TLE4: variants seen among roughly 807,000 people sequenced by gnomAD.
TLE4 encodes TLE family member 4, transcriptional corepressor.
TLE4 carries 8 observed loss-of-function variants against 92.8 expected under a neutral mutation model. The ratio of observed to expected loss-of-function variants is 0.09; its 90% CI spans 0.05 to 0.16. TLE4 has a LOEUF of 0.16. Among genes scored for constraint, TLE4 ranks in the 10% least tolerant of loss-of-function variants. The probability of loss-of-function intolerance (pLI) is 1.00; values close to 1 mark genes in which losing one functional copy is unlikely to be tolerated. For missense variants in TLE4, 675 were observed against 997.6 expected, an observed-to-expected ratio of 0.68 and a Z score of 4.36; for synonymous variants, 371 against 374.1, an observed-to-expected ratio of 0.99 and a Z score of 0.10.
intron 8 of TLE4, among the ~76,000 whole-genome samples, chr9:79,686,362 G>A (rs1193240977): frequency 6.6e-6 from 1 of 152,204 alleles, no homozygotes; most frequent in Non-Finnish European, 1.5e-5. Flanking sequence ...CAAAACATCT[G>A]TAATGTTGGT....
intron 5 of TLE4, among the ~76,000 whole-genome samples, chr9:79,613,329 G>A (rs2048780334): frequency 2.0e-5 from 3 of 152,108 alleles, no homozygotes; most frequent in African/African-American, 7.2e-5. Flanking sequence ...CCTGGCATGC[G>A]GCTCACTAGT....
At chr9:79,606,907 G>C (rs1310308507) in intron 4 of TLE4, among the ~76,000 whole-genome samples, 1 of 152,112 alleles carries the variant, frequency 6.6e-6, no homozygotes, top group Non-Finnish European at 1.5e-5. Flanking sequence ...TGGGATCACT[G>C]GGTCAAGTGG....
At chr9:79,714,624 T>C (rs1213143330) in intron 14 of TLE4, among the ~76,000 whole-genome samples, 1 of 152,228 alleles carries the variant, frequency 6.6e-6, no homozygotes, top group Non-Finnish European at 1.5e-5. Flanking sequence ...TTTCTTTCCT[T>C]TTCAAAACAC....
chr9:79,703,845 T>C (rs1376645385), intron 8 of TLE4, among the ~76,000 whole-genome samples: 1 of 152,204 alleles, frequency 6.6e-6, no homozygotes, highest in Non-Finnish European at 1.5e-5. Context: ...CCCTAACATA[T>C]GGCGCTGAGC....
At chr9:79,588,710 A>AACCACGTGTC (rs1564175961) in intron 4 of TLE4, among the ~76,000 whole-genome samples, 1 of 152,176 alleles carries the variant, frequency 6.6e-6, no homozygotes, top group African/African-American at 2.4e-5. Flanking sequence ...CTTCTTTTAT[A>AACCACGTGTC]ACCACGTGTC....
intron 5 of TLE4, among the ~76,000 whole-genome samples, chr9:79,612,959 T>C (rs1210160505): frequency 6.6e-6 from 1 of 152,166 alleles, no homozygotes; most frequent in African/African-American, 2.4e-5. Flanking sequence ...AATTCAGTCG[T>C]TAAAATATTT....
At chr9:79,606,187 GTTTTT>G (rs71364420) in intron 4 of TLE4, among the ~76,000 whole-genome samples, 1 of 28,708 alleles carries the variant, frequency 3.5e-5, no homozygotes, top group African/African-American at 1.3e-4. Flanking sequence ...AGTAGTAGTT[GTTTTT>G]TTTTTTTTTT....
chr9:79,634,126 C>T (rs536902711), intron 6 of TLE4, among the ~76,000 whole-genome samples: 25 of 152,266 alleles, frequency 1.6e-4, no homozygotes, highest in Admixed American at 3.3e-4. Flanking sequence ...TATTTGAGTA[C>T]TTTCACCAAT....
At chr9:79,658,230 T>G (rs1428672501) in intron 8 of TLE4, among the ~76,000 whole-genome samples, 1 of 152,220 alleles carries the variant, frequency 6.6e-6, no homozygotes, top group African/African-American at 2.4e-5. Flanking sequence ...TGAATATGTT[T>G]CCACACAATC....
chr9:79,708,379 C>T (rs758315971), intron 12 of TLE4, 129 bp downstream of exon 12: 6 of 1,245,366 alleles, frequency 4.8e-6, no homozygotes, highest in Non-Finnish European at 6.6e-6. Context: ...AGTTACTTAA[C>T]CTGAACCGAG....
At chr9:79,648,491 A>G (rs1010463863) in intron 6 of TLE4, among the ~76,000 whole-genome samples, 4 of 152,112 alleles carry the variant, frequency 2.6e-5, no homozygotes, top group African/African-American at 9.7e-5. Context: ...CTGAGCTGAG[A>G]TAGGTGAGTA....
At chr9:79,637,254 C>CATTT (rs1327795045) in intron 6 of TLE4, among the ~76,000 whole-genome samples, 2 of 152,134 alleles carry the variant, frequency 1.3e-5, no homozygotes, top group African/African-American at 2.4e-5. Flanking sequence ...CTGTGTTAAG[C>CATTT]ATTTACATGC....
At chr9:79,573,325 C>A in intron 1 of TLE4, 1 of 1,069,004 alleles carries the variant, frequency 9.4e-7, no homozygotes, top group East Asian at 8.2e-5. Context: ...GACCGCAGCC[C>A]GACGCCATGG....
chr9:79,592,006 G>A (rs539242386), intron 4 of TLE4, among the ~76,000 whole-genome samples: 2 of 152,244 alleles, frequency 1.3e-5, no homozygotes, highest in East Asian at 3.9e-4. Context: ...CACATCTTCT[G>A]TATACCACAG....
chr9:79,578,289 G>T (rs1224073102), intron 4 of TLE4, among the ~76,000 whole-genome samples: 3 of 152,308 alleles, frequency 2.0e-5, no homozygotes, highest in Admixed American at 2.0e-4. Context: ...TCACTTATTA[G>T]ATTTGTGTCT....
In TLE4 at chr9:79,612,809, C is replaced by T. The variant is rs375910008; in HGVS notation, c.315+91C>T. 118 of 1,075,888 alleles carry T rather than the reference C, an allele frequency of 1.1e-4. 1 individual carries two copies. In the African/African-American group the frequency reaches 1.3e-3, roughly 12 times the overall value. The allele number at this position is 1,075,888 out of a possible 1,614,324, so 66.6% of individuals were successfully genotyped here. A position where few individuals can be genotyped will look rare whatever the true frequency, so the allele number is the denominator to read the frequency against. ...TTGTAGAACTGACTCTCTGGCCTTG[C>T]CAGTCTCTTGGTGTTTGTATTTTAT... On this transcript the variant is annotated intron_variant, in intron 5 of 19. Transcript: ENST00000376552.
At position 79,621,685 on chromosome 9, in the gene TLE4, C is replaced by T. The variant is rs190018143; in HGVS notation, c.316-5689C>T. Among the ~76,000 whole-genome samples, 16 of 152,170 alleles carry T rather than the reference C, an allele frequency of 1.1e-4. No individual in the cohort carries two copies. The East Asian group carries it at 2.9e-3, about 28-fold the overall frequency. ...GTTCCGCCATCCCAATCTGCTCAGCCCCGGCAGTGTTTAGAAATTTGCGTG... is the reference window on the plus strand; with the variant it reads ...GTTCCGCCATCCCAATCTGCTCAGCTCCGGCAGTGTTTAGAAATTTGCGTG... On this transcript the variant is annotated intron_variant, in intron 5 of 19. Transcript: ENST00000376552.
intron 4 of TLE4, among the ~76,000 whole-genome samples, chr9:79,591,419 T>A (rs2042505301): frequency 6.6e-6 from 1 of 152,072 alleles, no homozygotes; most frequent in African/African-American, 2.4e-5. Context: ...GAGAGAATAA[T>A]TGGGAATATA....
At chr9:79,635,409 G>A (rs2055472152) in intron 6 of TLE4, among the ~76,000 whole-genome samples, 1 of 151,296 alleles carries the variant, frequency 6.6e-6, no homozygotes, top group African/African-American at 2.4e-5. Context: ...GTTAAACTTA[G>A]GCTTTTTTTT....
Sources: gnomAD v4.1 joint callset for allele counts (sites outside exome capture counted in the v4.1 genomes callset) on GRCh38, gnomAD v4.1.1 for gene constraint, MANE v1.5 for transcripts, NCBI Gene and HGNC (gene_info 2026-07-23, HGNC 2026-07-21) for gene names.